NCK2: variants seen among roughly 807,000 people sequenced by gnomAD.
NCK2 encodes the protein NCK adaptor protein 2, also known as cytoplasmic protein NCK2.
Under a neutral mutation model 33.9 loss-of-function variants are expected in NCK2, and 16 were observed. That is an observed-to-expected ratio of 0.47 (90% CI 0.32 to 0.72). The LOEUF (loss-of-function observed/expected upper bound fraction) is 0.72. NCK2 is among the 30% of genes least tolerant of loss of function. The pLI is 0.03. For missense variants in NCK2, 418 were observed against 537.3 expected (o/e 0.78, Z 2.19); for synonymous variants, 273 against 239.9 (o/e 1.14, Z -1.27).
intron 1 of NCK2, among the ~76,000 whole-genome samples, chr2:105,781,259 ACTCTAGG>A (rs1313696259): frequency 1.3e-5 from 2 of 152,000 alleles, no homozygotes; most frequent in African/African-American, 4.8e-5. Flanking sequence ...GAACATGATT[ACTCTAGG>A]TATTCCCAAG....
intron 1 of NCK2, among the ~76,000 whole-genome samples, chr2:105,809,130 C>T (rs1675197562): frequency 6.6e-6 from 1 of 152,162 alleles, no homozygotes; most frequent in Non-Finnish European, 1.5e-5. Context: ...AGAATCAGTT[C>T]TTTCTGGTGT....
chr2:105,823,658 AC>A (rs1328153150), intron 2 of NCK2, among the ~76,000 whole-genome samples: 1 of 151,968 alleles, frequency 6.6e-6, no homozygotes, highest in East Asian at 1.9e-4. Context: ...GAAACGAATA[AC>A]CCTTAGTGCT....
intron 2 of NCK2, chr2:105,847,230 A>G (rs1395757902): frequency 6.6e-6 from 1 of 152,118 alleles, no homozygotes; most frequent in Non-Finnish European, 1.5e-5. Context: ...TTCTGCAGAT[A>G]GATGATGTTG....
In NCK2 at chr2:105,747,954, CTCTTT is replaced by C. The variant is rs144805750; in HGVS notation, c.-201+2824_-201+2828del. 6.4e-3 allele frequency among the ~76,000 whole-genome samples: 979 copies of C among 152,296 alleles called. 12 individuals carry two copies. Among genetic ancestry groups the C allele is most frequent in the African/African-American group, 0.022 (909 of 41,556 alleles). ...TTAGTAGCACAATTAAAAAATTAGA[CTCTTT>C]TCTTTTCCTGCATTTTCCTTTGAAC... On this transcript the variant is annotated intron_variant, in intron 1 of 4. Transcript: ENST00000233154.
chr2:105,827,869 G>A (rs1462658963), intron 2 of NCK2, among the ~76,000 whole-genome samples: 1 of 152,192 alleles, frequency 6.6e-6, no homozygotes, highest in African/African-American at 2.4e-5. Context: ...TTTCTGTGAT[G>A]ATGAAATAGT....
intron 3 of NCK2, chr2:105,855,561 G>T (rs75837325): frequency 3.2e-6 from 1 of 308,306 alleles, no homozygotes; most frequent in East Asian, 6.0e-5. Flanking sequence ...GTATCAAAAC[G>T]TTAGAGGAGC....
intron 4 of NCK2, among the ~76,000 whole-genome samples, chr2:105,889,153 G>A (rs941383246): frequency 1.3e-5 from 2 of 152,230 alleles, no homozygotes; most frequent in Non-Finnish European, 2.9e-5. Flanking sequence ...TGGGTCGGGA[G>A]TAACTCCATC....
At chr2:105,771,258 T>A (rs529116352) in intron 1 of NCK2, among the ~76,000 whole-genome samples, 1 of 151,638 alleles carries the variant, frequency 6.6e-6, no homozygotes, top group East Asian at 2.0e-4. Flanking sequence ...ATATTTTCCA[T>A]TCTGACTTTC....
intron 3 of NCK2, among the ~76,000 whole-genome samples, chr2:105,867,845 C>T (rs899900480): frequency 6.6e-6 from 1 of 152,188 alleles, no homozygotes; most frequent in African/African-American, 2.4e-5. Context: ...GTTACTCAAG[C>T]GGGAGTCTTA....
At chr2:105,851,131 C>T (rs1490245552) in intron 2 of NCK2, among the ~76,000 whole-genome samples, 1 of 152,148 alleles carries the variant, frequency 6.6e-6, no homozygotes, top group Non-Finnish European at 1.5e-5. Context: ...CAGCCCAGCC[C>T]GGCTGTGTAA....
chr2:105,873,387 T>C (rs910185756), intron 3 of NCK2, among the ~76,000 whole-genome samples: 13 of 152,276 alleles, frequency 8.5e-5, no homozygotes, highest in African/African-American at 3.1e-4. Context: ...GGATGTGGCC[T>C]CCCAGCATCA....
intron 1 of NCK2, among the ~76,000 whole-genome samples, chr2:105,806,801 T>C (rs545022938): frequency 3.6e-4 from 54 of 152,028 alleles, no homozygotes; most frequent in Non-Finnish European, 5.9e-4. Flanking sequence ...TCCCATTCCA[T>C]AGGGGGCTTC....
chr2:105,767,314 A>G (rs1174753006), intron 1 of NCK2, among the ~76,000 whole-genome samples: 2 of 152,240 alleles, frequency 1.3e-5, no homozygotes, highest in East Asian at 3.8e-4. Context: ...TGAGCTTAGA[A>G]GCCTAACAGG....
At chr2:105,791,414 GAT>G (rs1690878915) in intron 1 of NCK2, among the ~76,000 whole-genome samples, 2 of 150,988 alleles carry the variant, frequency 1.3e-5, no homozygotes. Context: ...ACGATGGGAG[GAT>G]ATACGGTGTA....
At chr2:105,810,961 G>A (rs1271749338) in intron 1 of NCK2, among the ~76,000 whole-genome samples, 2 of 152,110 alleles carry the variant, frequency 1.3e-5, no homozygotes, top group African/African-American at 4.8e-5. Context: ...GGATCATGAG[G>A]TCAAGAGATT....
At chr2:105,796,817 A>G (rs1003639581) in intron 1 of NCK2, among the ~76,000 whole-genome samples, 1 of 152,152 alleles carries the variant, frequency 6.6e-6, no homozygotes, top group African/African-American at 2.4e-5. Context: ...GATTCCATGG[A>G]AAGGAAATAT....
At chr2:105,871,834 A>G (rs1488027377) in intron 3 of NCK2, among the ~76,000 whole-genome samples, 2 of 152,124 alleles carry the variant, frequency 1.3e-5, no homozygotes, top group African/African-American at 4.8e-5. Context: ...AGAGGTAAAA[A>G]GTTTCCTGGG....
intron 3 of NCK2, among the ~76,000 whole-genome samples, chr2:105,861,956 T>A (rs1333913355): frequency 7.7e-6 from 1 of 129,496 alleles, no homozygotes; most frequent in Admixed American, 7.7e-5. Context: ...CCCCCTTCCC[T>A]TTCTTCCACC....
At chr2:105,762,295 A>AG (rs150164135) in intron 1 of NCK2, among the ~76,000 whole-genome samples, 44 of 152,222 alleles carry the variant, frequency 2.9e-4, no homozygotes, top group African/African-American at 8.7e-4. Flanking sequence ...GCATCAAACC[A>AG]GGGGGGGTCT....
Sources: allele counts gnomAD v4.1 joint callset (sites outside exome capture counted in the v4.1 genomes callset), GRCh38; gene constraint gnomAD v4.1.1; transcripts MANE v1.5; gene names NCBI Gene and HGNC (gene_info 2026-07-23, HGNC 2026-07-21).